Variants in KALRN observed in about 807,000 individuals in gnomAD.
KALRN encodes the protein kalirin.
In KALRN, 70 loss-of-function variants were observed where a neutral mutation model predicts 353.7. That is an observed-to-expected ratio of 0.20 (90% CI 0.16 to 0.24). The LOEUF is 0.24. Among genes scored for constraint, KALRN ranks in the 10% least tolerant of loss-of-function variants. The pLI, the probability that KALRN is intolerant of heterozygous loss-of-function variation, is 1.00. For synonymous variants in KALRN, 1,391 were observed against 1,434.8 expected (o/e 0.97, Z 0.69); for missense variants, 2,791 against 3,756.7 (o/e 0.74, Z 6.72).
chr3:124,615,141 G>A (rs1189627738), intron 34 of KALRN, among the ~76,000 whole-genome samples: 1 of 152,120 alleles, frequency 6.6e-6, no homozygotes, highest in Non-Finnish European at 1.5e-5. Context: ...AGACACTAGG[G>A]GATCAAAGTT....
intron 2 of KALRN, among the ~76,000 whole-genome samples, chr3:124,232,528 G>A (rs6777756): frequency 0.94 from 143,449 of 152,114 alleles, 68,231 homozygotes; most frequent in East Asian, 1. Flanking sequence ...TGTGGGCTGG[G>A]CCCCCGCCTT....
intron 25 of KALRN, among the ~76,000 whole-genome samples, chr3:124,468,347 G>A (rs1230225332): frequency 1.3e-5 from 2 of 152,090 alleles, no homozygotes; most frequent in Admixed American, 6.6e-5. Context: ...AACACAAGGG[G>A]GGGGTTGATC....
intron 34 of KALRN, among the ~76,000 whole-genome samples, chr3:124,604,969 A>G (rs765899532): frequency 5.9e-5 from 9 of 152,154 alleles, no homozygotes; most frequent in Non-Finnish European, 1.0e-4. Context: ...AGCCTGAGCA[A>G]CATGGCAAAA....
chr3:124,227,168 G>C (rs995446182), intron 1 of KALRN, among the ~76,000 whole-genome samples: 4 of 152,130 alleles, frequency 2.6e-5, no homozygotes, highest in Non-Finnish European at 4.4e-5. Flanking sequence ...CACATCTTTA[G>C]TTTCCATTCT....
In KALRN at chr3:124,036,893, C is replaced by G. The variant is rs554244074; in HGVS notation, c.73+3080C>G. Among the ~76,000 whole-genome samples the G allele has an allele frequency of 2.0e-5, 3 of 152,360 alleles. No individual in the cohort carries two copies. The South Asian group carries it at 6.2e-4, about 32-fold the overall frequency. ...TCAATCCCTTGACCAATTGGTTAAGCTAGATTCCCTAAATCTCACTTCCCT... is the reference window on the plus strand; with the variant it reads ...TCAATCCCTTGACCAATTGGTTAAGGTAGATTCCCTAAATCTCACTTCCCT... On this transcript the variant is annotated intron_variant, in intron 1 of 59. Coordinates refer to ENST00000682506, the MANE Select transcript of KALRN (RefSeq NM_001388419.1).
intron 20 of KALRN, 31 bp from the exon 21 acceptor site, chr3:124,446,732 T>A (rs2093853133): frequency 6.2e-7 from 1 of 1,613,254 alleles, no homozygotes; most frequent in Admixed American, 1.7e-5. Context: ...GCTGCCTTTT[T>A]GGGGACTGGA....
chr3:124,223,417 G>A lies in KALRN; in HGVS notation c.74-4573G>A, dbSNP rs567803209. ...CTTCTATACTGGACACCACACGGGT[G>A]AAGTAGAAAGAGAAGGCAGAAACCT... On this transcript the variant is annotated intron_variant, in intron 1 of 59. Coordinates refer to ENST00000682506, the MANE Select transcript of KALRN (RefSeq NM_001388419.1). Among the ~76,000 whole-genome samples the A allele has an allele frequency of 6.6e-5, 10 of 152,294 alleles. No individual in the cohort carries two copies. The South Asian group carries it at 1.9e-3, about 28-fold the overall frequency.
intron 10 of KALRN, among the ~76,000 whole-genome samples, chr3:124,359,008 G>A (rs535452257): frequency 2.2e-4 from 33 of 149,960 alleles, no homozygotes; most frequent in African/African-American, 8.1e-4. Context: ...GTGTGGATCT[G>A]GGTCATCCCT....
At chr3:124,286,131 CTTTCT>C (rs2075864245) in intron 5 of KALRN, among the ~76,000 whole-genome samples, 2 of 143,116 alleles carry the variant, frequency 1.4e-5, no homozygotes, top group Non-Finnish European at 3.0e-5. Context: ...TTCTTTCTTT[CTTTCT>C]TTCCTTTCTT....
chr3:124,699,302 A>G (rs550046910), intron 55 of KALRN, among the ~76,000 whole-genome samples: 6 of 152,288 alleles, frequency 3.9e-5, no homozygotes, highest in Admixed American at 3.3e-4. Flanking sequence ...AAATTGTTCA[A>G]TATTTCTGAG....
At chr3:124,201,758 T>A (rs1053020934) in intron 1 of KALRN, among the ~76,000 whole-genome samples, 5 of 152,292 alleles carry the variant, frequency 3.3e-5, no homozygotes, top group African/African-American at 1.2e-4. Flanking sequence ...CCTGGGAGTG[T>A]TTGCTTTTTG....
At chr3:124,300,690 T>G (rs1326764078) in intron 6 of KALRN, among the ~76,000 whole-genome samples, 1 of 152,198 alleles carries the variant, frequency 6.6e-6, no homozygotes, top group Non-Finnish European at 1.5e-5. Context: ...CTCTAATGAC[T>G]AGCACACTGA....
At chr3:124,703,461 C>G (rs987772500) in intron 57 of KALRN, among the ~76,000 whole-genome samples, 2 of 151,998 alleles carry the variant, frequency 1.3e-5, no homozygotes, top group South Asian at 4.2e-4. Flanking sequence ...TTAATCCATA[C>G]AACACTATGA....
At chr3:124,244,394 G>A (rs114999251) in intron 3 of KALRN, among the ~76,000 whole-genome samples, 3,634 of 152,044 alleles carry the variant, frequency 0.024, 130 homozygotes, top group African/African-American at 0.082. Context: ...CCCACCACAC[G>A]TCCAGCTAAT....
chr3:124,278,386 G>A (rs1488394623), intron 5 of KALRN, among the ~76,000 whole-genome samples: 1 of 151,762 alleles, frequency 6.6e-6, no homozygotes, highest in Non-Finnish European at 1.5e-5. Flanking sequence ...AAGGAGACAT[G>A]TCAGCTCTGC....
intron 18 of KALRN, among the ~76,000 whole-genome samples, chr3:124,440,558 G>C (rs1206803296): frequency 6.6e-6 from 1 of 151,410 alleles, no homozygotes; most frequent in Non-Finnish European, 1.5e-5. Context: ...AGATGCCTTT[G>C]TTGCTAATTT....
chr3:124,161,987 G>A (rs771784842), intron 1 of KALRN, among the ~76,000 whole-genome samples: 3 of 152,144 alleles, frequency 2.0e-5, no homozygotes, highest in Non-Finnish European at 4.4e-5. Flanking sequence ...GACTTGTATT[G>A]TACCTCCTCT....
intron 21 of KALRN, 95 bp from the exon 22 acceptor site, chr3:124,455,082 T>A (rs1490420543): frequency 3.8e-6 from 5 of 1,332,322 alleles, no homozygotes; most frequent in Non-Finnish European, 5.3e-6. Context: ...AGCTATGAGG[T>A]ATCTATGGCT....
At chr3:124,094,389 C>G (rs1251959801) in intron 1 of KALRN, among the ~76,000 whole-genome samples, 1 of 152,256 alleles carries the variant, frequency 6.6e-6, no homozygotes, top group East Asian at 1.9e-4. Flanking sequence ...AATGGCCGAG[C>G]TTCTGGCTTC....
Sources: gnomAD v4.1 joint callset for allele counts (sites outside exome capture counted in the v4.1 genomes callset) on GRCh38, gnomAD v4.1.1 for gene constraint, MANE v1.5 for transcripts, NCBI Gene and HGNC (gene_info 2026-07-23, HGNC 2026-07-21) for gene names.